The following SLC35B3 variants were observed in gnomAD, a reference collection of about 807,000 sequenced individuals.
SLC35B3 encodes adenosine 3'-phospho 5'-phosphosulfate transporter 2.
SLC35B3 carries 35 observed loss-of-function variants against 44.1 expected under a neutral mutation model. That is an observed-to-expected ratio of 0.79 (90% CI 0.61 to 1.05). The LOEUF (loss-of-function observed/expected upper bound fraction) is 1.05, where lower values mean the gene tolerates loss of function less well. Ranked by LOEUF, SLC35B3 falls within the 50% of genes least tolerant of loss-of-function variation. The pLI, the probability that SLC35B3 is intolerant of heterozygous loss-of-function variation, is 0.00. For missense variants in SLC35B3, 414 were observed against 476.4 expected, an observed-to-expected ratio of 0.87 and a Z score of 1.22; for synonymous variants, 146 against 167.3, an observed-to-expected ratio of 0.87 and a Z score of 0.98.
At chr6:8,426,632 A>G (rs942909122) in intron 4 of SLC35B3, among the ~76,000 whole-genome samples, 7 of 152,144 alleles carry the variant, frequency 4.6e-5, no homozygotes, top group Non-Finnish European at 1.0e-4. Flanking sequence ...AGTTCAATTA[A>G]ACTTCTTTTT....
intron 2 of SLC35B3, among the ~76,000 whole-genome samples, chr6:8,430,364 C>T (rs532976208): frequency 2.0e-5 from 3 of 152,200 alleles, no homozygotes; most frequent in South Asian, 2.1e-4. Context: ...AAGATTAGTA[C>T]ATCATTAAAC....
intron 4 of SLC35B3, 109 bp downstream of exon 3, chr6:8,427,828 G>A (rs988447646): frequency 6.5e-5 from 56 of 863,306 alleles, no homozygotes; most frequent in Admixed American, 1.5e-4. Flanking sequence ...CTAAGAGTTC[G>A]TGCCTATCAC....
rs1762471882 is a variant in SLC35B3 at position 8,417,011 on chromosome 6, A to C, written c.874-16T>G. 1 of 1,420,320 alleles carries C rather than the reference A, an allele frequency of 7.0e-7. No individual in the cohort carries two copies. The highest frequency in any genetic ancestry group is 1.5e-5 in the African/African-American group (1 of 68,304). 88.0% of individuals were successfully genotyped at this position (1,420,320 alleles called of 1,614,324 possible). A position where few individuals can be genotyped will look rare whatever the true frequency, so the allele number is the denominator to read the frequency against. ...GAACTGGATTCTGCAAAAAATAAAA[A>C]AGCCTGTTAGAAAAATGTAAAACAA... is the stretch of plus-strand genomic sequence containing the variant. On this transcript the variant is annotated splice_polypyrimidine_tract_variant and intron_variant, in intron 8 of 10. Coordinates refer to ENST00000644923, the MANE Select transcript of SLC35B3 (RefSeq NM_001370476.2).
intron 9 of SLC35B3, among the ~76,000 whole-genome samples, chr6:8,416,451 A>G (rs1159534612): frequency 6.6e-6 from 1 of 152,204 alleles, no homozygotes. Flanking sequence ...AAGGGAAGCT[A>G]ATCTGGTTGA....
rs560520171 is a variant in SLC35B3 at position 8,432,265 on chromosome 6, A to T, written c.4-2108T>A. On this transcript the variant is annotated intron_variant, in intron 2 of 10. Coordinates refer to ENST00000644923, the MANE Select transcript of SLC35B3 (RefSeq NM_001370476.2). This position sits in a 1 kb window ranked among gnomAD's most constrained non-coding sequence, Gnocchi z 4.8. Reference sequence around the variant, plus strand: ...TGGTACTGGCAAACTTTATGAGCAAAACTGAAAATCTTATAGAAAAAGAGT... The same window carrying T: ...TGGTACTGGCAAACTTTATGAGCAATACTGAAAATCTTATAGAAAAAGAGT... 1.3e-5 allele frequency among the ~76,000 whole-genome samples: 2 copies of T among 151,752 alleles called. No homozygotes were observed. The highest frequency in any genetic ancestry group is 2.0e-4 in the East Asian group (1 of 5,022).
chr6:8,432,748 G>A lies in SLC35B3; in HGVS notation c.3+1637C>T, dbSNP rs1764113771. On this transcript the variant is annotated intron_variant, in intron 2 of 10. Coordinates refer to ENST00000644923, the MANE Select transcript of SLC35B3 (RefSeq NM_001370476.2). This position sits in a 1 kb window ranked among gnomAD's most constrained non-coding sequence, Gnocchi z 4.8. Reference sequence around the variant, plus strand: ...CATATGACAGTCCATAAGTGTGTTAGCTGTCATCCTTCAACTTTTTAGAAA... The same window carrying A: ...CATATGACAGTCCATAAGTGTGTTAACTGTCATCCTTCAACTTTTTAGAAA... Among the ~76,000 whole-genome samples, 2 of 152,132 alleles carry A rather than the reference G, an allele frequency of 1.3e-5. No homozygotes were observed. The highest frequency in any genetic ancestry group is 4.1e-4 in the South Asian group (2 of 4,824).
chr6:8,420,936 C>CA lies in SLC35B3; in HGVS notation c.575-109dup. 1.3e-6 allele frequency: 1 copy of CA among 753,652 alleles called. No homozygotes were observed. Among genetic ancestry groups the CA allele is most frequent in the Non-Finnish European group, 2.1e-6 (1 of 476,446 alleles). The allele number at this position is 753,652 out of a possible 1,614,324, so 46.7% of individuals were successfully genotyped here. On this transcript the variant is annotated intron_variant, in intron 5 of 10. Transcript: ENST00000644923. The surrounding 1 kb of genome is among the most constrained non-coding windows in gnomAD (Gnocchi z 4.4). ...GGATTTGTTTTTTTATATCCAATGC[C>CA]AAAAACGTGAACACTTAGGTCAAGG...
intron 2 of SLC35B3, among the ~76,000 whole-genome samples, chr6:8,431,320 G>T (rs531579058): frequency 2.4e-4 from 37 of 152,266 alleles, no homozygotes; most frequent in Admixed American, 1.6e-3. Context: ...AGAGAAATAA[G>T]AATAATTTTG....
rs376299162 is a variant in SLC35B3, at chr6:8,417,545, G to T, written c.781-51C>A. The T allele has an allele frequency of 1.9e-4, 209 of 1,082,524 alleles. No individual in the cohort carries two copies. The African/African-American group carries it at 2.9e-3, about 15-fold the overall frequency. The allele number at this position is 1,082,524 out of a possible 1,614,324, so 67.1% of individuals were successfully genotyped here. On this transcript the variant is annotated intron_variant, in intron 7 of 10. Coordinates refer to ENST00000644923, the MANE Select transcript of SLC35B3 (RefSeq NM_001370476.2). ...AAAAAGTACTATGAAACTGAAAATG[G>T]AAGATTAAGGGTTTTAACTCTATGG... is the stretch of plus-strand genomic sequence containing the variant.
chr6:8,417,588 A>T (rs1322482374), intron 7 of SLC35B3, 94 bp from the exon 7 acceptor site: 4 of 631,928 alleles, frequency 6.3e-6, no homozygotes, highest in Non-Finnish European at 1.1e-5. Context: ...AGGTTTGCAG[A>T]ACAAACATTT....
At position 8,430,154 on chromosome 6, in the gene SLC35B3, A is replaced by G; in HGVS notation, c.7T>C (p.Leu3=). ...TGTATGTCTTTTGCTTGCTGTGTCA[A>G]GTCCTAGAGAAGGAAATAAGCAATT... Residue 3 remains leucine (L), a synonymous_variant, in exon 3 of 11, where the codon TTG becomes CTG. Transcript: ENST00000644923. The G allele has an allele frequency of 6.4e-7, 1 of 1,556,054 alleles. No homozygotes were observed. The highest frequency in any genetic ancestry group is 8.7e-7 in the Non-Finnish European group (1 of 1,155,780).
Position 8,420,818 on chromosome 6 carries a change from A to G in SLC35B3, c.585T>C (p.Tyr195=), listed in dbSNP as rs1169908898. 2.5e-6 allele frequency: 4 copies of G among 1,610,994 alleles called. No homozygotes were observed. Among genetic ancestry groups the G allele is most frequent in the African/African-American group, 1.3e-5 (1 of 74,974 alleles). ...TGGCAGCAGACACATCTGCAACATT[A>G]TAACGCTTTCCTGTATAAAACAAAC... The change falls in exon 6 of 11, where the codon TAT becomes TAC. Residue 195 remains tyrosine, a synonymous_variant. Transcript: ENST00000644923. This position sits in a 1 kb window ranked among gnomAD's most constrained non-coding sequence, Gnocchi z 4.4.
At chr6:8,417,103 T>G in intron 8 of SLC35B3, 108 bp from the exon 8 acceptor site, 1 of 624,528 alleles carries the variant, frequency 1.6e-6, no homozygotes, top group South Asian at 2.3e-5. Flanking sequence ...ATAAGTTGTT[T>G]GACAATGCAG....
At chr6:8,426,689 AAT>A (rs1481580190) in intron 4 of SLC35B3, among the ~76,000 whole-genome samples, 1 of 152,116 alleles carries the variant, frequency 6.6e-6, no homozygotes, top group African/African-American at 2.4e-5. Context: ...AAAACGGACT[AAT>A]AACAGTAAAT....
chr6:8,429,718 C>T (rs1763775670), intron 3 of SLC35B3, 146 bp downstream of exon 2: 14 of 447,420 alleles, frequency 3.1e-5, no homozygotes, highest in Admixed American at 4.7e-5. Flanking sequence ...TGTTAAGAAG[C>T]TCTTTTCTAC....
chr6:8,423,386 A>C (rs1382009433), intron 4 of SLC35B3, among the ~76,000 whole-genome samples: 1 of 147,966 alleles, frequency 6.8e-6, no homozygotes, highest in Admixed American at 6.8e-5. Flanking sequence ...CTATGTTATA[A>C]TAATCAACTT....
At chr6:8,425,110 T>C (rs755877007) in intron 4 of SLC35B3, among the ~76,000 whole-genome samples, 1 of 152,252 alleles carries the variant, frequency 6.6e-6, no homozygotes, top group Non-Finnish European at 1.5e-5. Context: ...TTTTAAAATA[T>C]GTTATGGTCA....
At position 8,435,242 on chromosome 6, in the gene SLC35B3, G is replaced by T. The variant is rs1391128550; in HGVS notation, c.-44+101C>A. 4 of 1,289,118 alleles carry T rather than the reference G, an allele frequency of 3.1e-6. No homozygotes were observed. The highest frequency in any genetic ancestry group is 2.0e-6 in the Non-Finnish European group (2 of 988,858). 79.9% of individuals were successfully genotyped at this position (1,289,118 alleles called of 1,614,324 possible). A position where few individuals can be genotyped will look rare whatever the true frequency, so the allele number is the denominator to read the frequency against. On this transcript the variant is annotated intron_variant, in intron 1 of 10. Coordinates refer to ENST00000644923, the MANE Select transcript of SLC35B3 (RefSeq NM_001370476.2). The surrounding 1 kb of genome is among the most constrained non-coding windows in gnomAD (Gnocchi z 5.5). Reference sequence around the variant, plus strand: ...TCCATCCCGACCTCATCCATTCCTCGAACGCTCCTTCTGGATGAGGAAGAT... The same window carrying T: ...TCCATCCCGACCTCATCCATTCCTCTAACGCTCCTTCTGGATGAGGAAGAT...
In SLC35B3 at chr6:8,430,050, G is replaced by A; in HGVS notation, c.111C>T (p.Phe37=). The change falls in exon 3 of 11, where the codon TTC becomes TTT. Residue 37 remains phenylalanine (F), a synonymous_variant. Coordinates refer to ENST00000644923, the MANE Select transcript of SLC35B3 (RefSeq NM_001370476.2). ...TAGAAATATATTTCCTGGAATTGTTGAACTTGAGATCCATTGTTATTTTGC... is the reference window on the plus strand; with the variant it reads ...TAGAAATATATTTCCTGGAATTGTTAAACTTGAGATCCATTGTTATTTTGC... 2.5e-6 allele frequency: 4 copies of A among 1,613,910 alleles called. No individual in the cohort carries two copies. Among genetic ancestry groups the A allele is most frequent in the Non-Finnish European group, 3.4e-6 (4 of 1,179,906 alleles).
Sources: gnomAD v4.1 joint callset for allele counts (sites outside exome capture counted in the v4.1 genomes callset) on GRCh38, gnomAD v4.1.1 for gene constraint, Gnocchi (gnomAD v3.1) non-coding constraint, MANE v1.5 for transcripts, NCBI Gene and HGNC (gene_info 2026-07-23, HGNC 2026-07-21) for gene names.